The following CBFA2T2 variants were observed in gnomAD, a reference collection of about 807,000 sequenced individuals.
CBFA2T2 encodes the protein CBFA2/RUNX1 partner transcriptional co-repressor 2, also known as protein CBFA2T2.
In CBFA2T2, 11 loss-of-function variants were observed where a neutral mutation model predicts 62.2. The observed-to-expected ratio is 0.18, with a 90% CI of 0.11 to 0.29. The LOEUF (loss-of-function observed/expected upper bound fraction) is 0.29, where lower values mean the gene tolerates loss of function less well. Among genes scored for constraint, CBFA2T2 ranks in the 10% least tolerant of loss-of-function variants. CBFA2T2 has a pLI of 1.00. For synonymous variants in CBFA2T2, 295 were observed against 287.5 expected (o/e 1.03, Z -0.27); for missense variants, 592 against 774.1 (o/e 0.76, Z 2.79).
rs747067517 is a variant in CBFA2T2 at position 33,607,056 on chromosome 20, A to G, written c.135A>G (p.Ile45Met). 1.2e-6 allele frequency: 2 copies of G among 1,614,066 alleles called. No individual in the cohort carries two copies. The highest frequency in any genetic ancestry group is 1.7e-6 in the Non-Finnish European group (2 of 1,179,976). ...SPPTMPPLPP[I>M]NPGGPRPVSF... ...CCACCATGCCACCCCTCCCACCAATAAATCCTGGAGGACCGAGGCCAGTGT... is the reference window on the plus strand; with the variant it reads ...CCACCATGCCACCCCTCCCACCAATGAATCCTGGAGGACCGAGGCCAGTGT... The change falls in exon 2 of 11, where the codon ATA (isoleucine) becomes ATG (methionine). Residue 45 changes from isoleucine (I) to methionine (M), a missense_variant. Ile to Met is a conservative substitution (Grantham distance 10). Transcript: ENST00000342704.
At chr20:33,579,537 T>C (rs1375778325) in intron 1 of CBFA2T2, among the ~76,000 whole-genome samples, 1 of 151,848 alleles carries the variant, frequency 6.6e-6, no homozygotes, top group East Asian at 1.9e-4. Flanking sequence ...GGTATTATTT[T>C]ACAACCCATC....
At chr20:33,610,150 C>T (rs1041499554) in intron 2 of CBFA2T2, among the ~76,000 whole-genome samples, 1 of 152,056 alleles carries the variant, frequency 6.6e-6, no homozygotes, top group South Asian at 2.1e-4. Context: ...ATTAGCTGTG[C>T]ATGGTGGCAT....
chr20:33,608,120 A>G (rs780694933), intron 2 of CBFA2T2, among the ~76,000 whole-genome samples: 3 of 152,224 alleles, frequency 2.0e-5, no homozygotes, highest in Non-Finnish European at 2.9e-5. Context: ...GTAACTCAAC[A>G]ATTTCAGTCC....
rs139678745 is a variant in CBFA2T2, at chr20:33,508,473, G to T, written c.34+18172G>T. 8.0e-4 allele frequency among the ~76,000 whole-genome samples: 122 copies of T among 152,118 alleles called. 1 individual carries two copies. The highest frequency in any genetic ancestry group is 2.8e-3 in the African/African-American group (117 of 41,528). On this transcript the variant is annotated intron_variant, in intron 1 of 10. Coordinates refer to ENST00000342704, the MANE Select transcript of CBFA2T2 (RefSeq NM_001032999.3). The stretch of plus-strand genomic sequence containing the variant: ...AGTTGAGGGCTACATGTGCAGATTT[G>T]TTACATAGGTAAACTTGTGTCATGG...
At chr20:33,543,379 C>A (rs2012456919) in intron 1 of CBFA2T2, among the ~76,000 whole-genome samples, 1 of 152,178 alleles carries the variant, frequency 6.6e-6, no homozygotes. Flanking sequence ...TAAGTAGATA[C>A]TTAAAGATTT....
At chr20:33,539,060 C>G (rs1386245829) in intron 1 of CBFA2T2, among the ~76,000 whole-genome samples, 2 of 152,186 alleles carry the variant, frequency 1.3e-5, no homozygotes, top group African/African-American at 2.4e-5. Context: ...GCAACTTATT[C>G]TAGCCTAGGT....
intron 1 of CBFA2T2, chr20:33,573,955 T>G: frequency 2.3e-6 from 1 of 433,940 alleles, no homozygotes; most frequent in African/African-American, 2.1e-5. Flanking sequence ...TAATTTTTCT[T>G]ATTTTTTTTT....
At chr20:33,586,224 G>C (rs1601011854) in intron 1 of CBFA2T2, among the ~76,000 whole-genome samples, 1 of 152,094 alleles carries the variant, frequency 6.6e-6, no homozygotes, top group Non-Finnish European at 1.5e-5. Context: ...TGTCACCCAG[G>C]CTGGAGTGCA....
intron 1 of CBFA2T2, among the ~76,000 whole-genome samples, chr20:33,550,411 T>C (rs528124194): frequency 6.5e-4 from 99 of 152,316 alleles, no homozygotes; most frequent in African/African-American, 2.3e-3. Flanking sequence ...ATGGAGGGAT[T>C]GGCTTGGATT....
intron 1 of CBFA2T2, among the ~76,000 whole-genome samples, chr20:33,491,503 A>C (rs1477035601): frequency 6.6e-6 from 1 of 152,184 alleles, no homozygotes; most frequent in East Asian, 1.9e-4. Context: ...TGATGTCCTT[A>C]AACACGTGAA....
intron 6 of CBFA2T2, 87 bp downstream of exon 6, chr20:33,625,104 T>C: frequency 7.6e-7 from 1 of 1,312,050 alleles, no homozygotes; most frequent in Non-Finnish European, 1.1e-6. Flanking sequence ...ATATGATTGC[T>C]TTTTCCCACT....
Position 33,586,833 on chromosome 20 carries a change from A to G in CBFA2T2, c.35-20123A>G, listed in dbSNP as rs536500038. Reference sequence around the variant, plus strand: ...TAAAGCACAGAAATTCAGAATTGTCATAGTTTGGAAGCTATGAACTTGAGT... The same window carrying G: ...TAAAGCACAGAAATTCAGAATTGTCGTAGTTTGGAAGCTATGAACTTGAGT... On this transcript the variant is annotated intron_variant, in intron 1 of 10. Coordinates refer to ENST00000342704, the MANE Select transcript of CBFA2T2 (RefSeq NM_001032999.3). 1.8e-4 allele frequency among the ~76,000 whole-genome samples: 27 copies of G among 152,338 alleles called. No homozygotes were observed. The East Asian group carries it at 5.2e-3, about 29-fold the overall frequency.
intron 1 of CBFA2T2, among the ~76,000 whole-genome samples, chr20:33,541,629 G>T (rs2012411651): frequency 6.6e-6 from 1 of 151,404 alleles, no homozygotes; most frequent in Non-Finnish European, 1.5e-5. Flanking sequence ...TATGTTCCTG[G>T]TTTGTTTGTT....
At chr20:33,546,130 C>T (rs2012560122) in intron 1 of CBFA2T2, among the ~76,000 whole-genome samples, 1 of 152,104 alleles carries the variant, frequency 6.6e-6, no homozygotes, top group South Asian at 2.1e-4. Context: ...GGAAGAGGTG[C>T]TTATTTGTAT....
chr20:33,551,933 T>G (rs2012753716), intron 1 of CBFA2T2, among the ~76,000 whole-genome samples: 1 of 152,142 alleles, frequency 6.6e-6, no homozygotes, highest in Non-Finnish European at 1.5e-5. Context: ...TTTTTTCTGC[T>G]TACGTAAAAT....
intron 1 of CBFA2T2, among the ~76,000 whole-genome samples, chr20:33,585,937 T>C (rs2014348579): frequency 6.6e-6 from 1 of 152,208 alleles, no homozygotes; most frequent in African/African-American, 2.4e-5. Context: ...CGTGGTAAAT[T>C]GAAAGTTAAC....
chr20:33,585,515 A>G (rs1483320383), intron 1 of CBFA2T2, among the ~76,000 whole-genome samples: 1 of 152,200 alleles, frequency 6.6e-6, no homozygotes, highest in African/African-American at 2.4e-5. Flanking sequence ...GTTCACATTG[A>G]CATGCTGTTC....
rs73091710 is a variant in CBFA2T2 at position 33,613,184 on chromosome 20, G to A, written c.420+1849G>A. Among the ~76,000 whole-genome samples, 1,176 of 152,308 alleles carry A rather than the reference G, an allele frequency of 7.7e-3. 6 individuals carry two copies. The highest frequency in any genetic ancestry group is 0.02 in the Middle Eastern group (6 of 294). On this transcript the variant is annotated intron_variant, in intron 3 of 10. Coordinates refer to ENST00000342704, the MANE Select transcript of CBFA2T2 (RefSeq NM_001032999.3). Reference sequence around the variant, plus strand: ...ATTTGTGAGGTTTAGTCCTTGTTACGTATGACTGTAGGTTATTTTCATTGC... The same window carrying A: ...ATTTGTGAGGTTTAGTCCTTGTTACATATGACTGTAGGTTATTTTCATTGC...
At position 33,619,621 on chromosome 20, in the gene CBFA2T2, A is replaced by G; in HGVS notation, c.510+15A>G. 2 of 1,501,084 alleles carry G rather than the reference A, an allele frequency of 1.3e-6. No homozygotes were observed. The highest frequency in any genetic ancestry group is 1.8e-6 in the Non-Finnish European group (2 of 1,088,656). The allele number at this position is 1,501,084 out of a possible 1,614,324, so 93.0% of individuals were successfully genotyped here. On this transcript the variant is annotated intron_variant, in intron 4 of 10. Transcript: ENST00000342704. ...CATTTCTCAAGGTAATTTGATAATTACTGAATATAATTTATCTTGAATATT... is the reference window on the plus strand; with the variant it reads ...CATTTCTCAAGGTAATTTGATAATTGCTGAATATAATTTATCTTGAATATT...
Sources: gnomAD v4.1 joint callset for allele counts (sites outside exome capture counted in the v4.1 genomes callset) on GRCh38, gnomAD v4.1.1 for gene constraint, MANE v1.5 for transcripts, NCBI Gene and HGNC (gene_info 2026-07-23, HGNC 2026-07-21) for gene names.